The following JAZF1 variants were observed in gnomAD, a reference collection of about 807,000 sequenced individuals.
JAZF1 encodes JAZF zinc finger 1.
A neutral mutation model predicts 26.4 loss-of-function variants in JAZF1; 8 were observed. The observed-to-expected ratio is 0.30, with a 90% CI of 0.18 to 0.55. The LOEUF is 0.55. Among genes scored for constraint, JAZF1 ranks in the 20% least tolerant of loss-of-function variants. The pLI, the probability that JAZF1 is intolerant of heterozygous loss-of-function variation, is 0.94. For synonymous variants in JAZF1, 126 were observed against 122.3 expected, an observed-to-expected ratio of 1.03 and a Z score of -0.20; for missense variants, 199 against 322.0, an observed-to-expected ratio of 0.62 and a Z score of 2.92.
At chr7:27,907,608 C>A (rs1284767429) in intron 2 of JAZF1, among the ~76,000 whole-genome samples, 1 of 152,146 alleles carries the variant, frequency 6.6e-6, no homozygotes, top group Non-Finnish European at 1.5e-5. Context: ...CAACATCCAG[C>A]TAAGAACAAG....
chr7:27,883,090 G>A (rs771064221), intron 3 of JAZF1, among the ~76,000 whole-genome samples: 5 of 152,228 alleles, frequency 3.3e-5, no homozygotes, highest in Non-Finnish European at 7.3e-5. Flanking sequence ...ACTGATGGAT[G>A]TTGGCATATG....
At chr7:27,974,333 C>T (rs1043601643) in intron 2 of JAZF1, among the ~76,000 whole-genome samples, 3 of 152,128 alleles carry the variant, frequency 2.0e-5, no homozygotes, top group Admixed American at 6.5e-5. Flanking sequence ...GAGGCCACCG[C>T]TTTTATGGCA....
chr7:27,869,927 A>C (rs925897055), intron 3 of JAZF1, among the ~76,000 whole-genome samples: 8 of 151,964 alleles, frequency 5.3e-5, no homozygotes, highest in Non-Finnish European at 8.8e-5. Context: ...TTGAGATGGA[A>C]TCTCGCTCTG....
intron 1 of JAZF1, among the ~76,000 whole-genome samples, chr7:28,016,372 A>G (rs1208371752): frequency 6.6e-6 from 1 of 152,230 alleles, no homozygotes; most frequent in Non-Finnish European, 1.5e-5. Context: ...TGAACAACCC[A>G]TAAACTGAAT....
In JAZF1 at chr7:28,031,311, G is replaced by A. The variant is rs879605018; in HGVS notation, c.116-39330C>T. On this transcript the variant is annotated intron_variant, in intron 1 of 4. Transcript: ENST00000283928. ...ATCTTTCTGATGGCCATTTCTGCCT[G>A]TGTGTCTAACACAGTGAACGTTCAT... Among the ~76,000 whole-genome samples, 29 of 152,312 alleles carry A rather than the reference G, an allele frequency of 1.9e-4. 2 individuals carry two copies. Among genetic ancestry groups the A allele is most frequent in the Admixed American group, 1.9e-3 (29 of 15,298 alleles).
intron 4 of JAZF1, among the ~76,000 whole-genome samples, chr7:27,837,601 T>C (rs1262433761): frequency 6.6e-6 from 1 of 151,976 alleles, no homozygotes; most frequent in African/African-American, 2.4e-5. Context: ...ACTTGACCTA[T>C]GAGGGGCGGA....
At chr7:28,092,517 G>C (rs148868769) in intron 1 of JAZF1, among the ~76,000 whole-genome samples, 1 of 151,810 alleles carries the variant, frequency 6.6e-6, no homozygotes, top group South Asian at 2.1e-4. Context: ...AAAAGGAAAA[G>C]AAACTGCTTA....
chr7:28,078,451 C>G (rs1784087763), intron 1 of JAZF1, among the ~76,000 whole-genome samples: 1 of 152,184 alleles, frequency 6.6e-6, no homozygotes, highest in Admixed American at 6.5e-5. Context: ...AAGCCATCTC[C>G]ATGCAATCAC....
chr7:27,917,853 G>A (rs891519077), intron 2 of JAZF1, among the ~76,000 whole-genome samples: 1 of 152,316 alleles, frequency 6.6e-6, no homozygotes. Context: ...TCTGGCTAAA[G>A]ATTACACAGA....
intron 1 of JAZF1, among the ~76,000 whole-genome samples, chr7:28,165,329 T>TA (rs891839106): frequency 6.6e-6 from 1 of 152,124 alleles, no homozygotes; most frequent in Admixed American, 6.6e-5. Context: ...CTTTTAGAAT[T>TA]AAAAAACAAG....
At chr7:28,107,807 G>A (rs1051709515) in intron 1 of JAZF1, among the ~76,000 whole-genome samples, 6 of 152,146 alleles carry the variant, frequency 3.9e-5, no homozygotes, top group African/African-American at 4.8e-5. Flanking sequence ...GAATGCATAC[G>A]GAGTTCCACT....
At chr7:27,916,389 C>A (rs1176581590) in intron 2 of JAZF1, among the ~76,000 whole-genome samples, 2 of 152,072 alleles carry the variant, frequency 1.3e-5, no homozygotes, top group African/African-American at 4.8e-5. Flanking sequence ...GTATACTGAA[C>A]CATTGCTCCT....
chr7:27,978,743 T>C (rs918673857), intron 2 of JAZF1, among the ~76,000 whole-genome samples: 4 of 152,168 alleles, frequency 2.6e-5, no homozygotes, highest in Admixed American at 1.3e-4. Context: ...TTAAAATGCA[T>C]ATCAGCATAG....
intron 3 of JAZF1, among the ~76,000 whole-genome samples, chr7:27,860,893 A>G (rs888390076): frequency 3.3e-5 from 5 of 150,936 alleles, no homozygotes; most frequent in African/African-American, 7.3e-5. Flanking sequence ...TTCCTAAGAG[A>G]CAGTCTTTGG....
intron 1 of JAZF1, among the ~76,000 whole-genome samples, chr7:28,131,096 C>T (rs531491653): frequency 6.6e-6 from 1 of 152,330 alleles, no homozygotes; most frequent in South Asian, 2.1e-4. Flanking sequence ...TCAGGCCTCA[C>T]ATCAGAGATT....
chr7:27,915,423 T>C (rs956702732), intron 2 of JAZF1, among the ~76,000 whole-genome samples: 3 of 152,214 alleles, frequency 2.0e-5, no homozygotes, highest in South Asian at 2.1e-4. Context: ...CTGGTAACAA[T>C]AGATCTTTCA....
intron 2 of JAZF1, among the ~76,000 whole-genome samples, chr7:27,973,867 G>GAGTC (rs1562545261): frequency 6.6e-6 from 1 of 152,188 alleles, no homozygotes; most frequent in Non-Finnish European, 1.5e-5. Context: ...GGAGAGAATG[G>GAGTC]AGGCAGGCAG....
intron 1 of JAZF1, among the ~76,000 whole-genome samples, chr7:28,159,643 G>A (rs1053921799): frequency 6.6e-6 from 1 of 152,156 alleles, no homozygotes; most frequent in African/African-American, 2.4e-5. Context: ...GAGCTCTAGG[G>A]TGGTGGAGAA....
At chr7:27,876,893 A>G (rs1007322732) in intron 3 of JAZF1, among the ~76,000 whole-genome samples, 5 of 152,168 alleles carry the variant, frequency 3.3e-5, no homozygotes, top group African/African-American at 1.2e-4. Flanking sequence ...GAATGCCCTT[A>G]AAGACTAGAG....
Sources: allele counts gnomAD v4.1 joint callset (sites outside exome capture counted in the v4.1 genomes callset), GRCh38; gene constraint gnomAD v4.1.1; transcripts MANE v1.5; gene names NCBI Gene and HGNC (gene_info 2026-07-23, HGNC 2026-07-21).